CELA2B: variants seen among roughly 807,000 people sequenced by gnomAD.
The protein encoded by CELA2B is chymotrypsin like elastase 2B, also known as chymotrypsin-like elastase family member 2B.
In CELA2B, 27 loss-of-function variants were observed where a neutral mutation model predicts 36.5. The observed-to-expected ratio is 0.74, with a 90% CI of 0.55 to 1.02. The LOEUF is 1.02. Ranked by LOEUF, CELA2B falls within the 50% of genes least tolerant of loss-of-function variation. The probability of loss-of-function intolerance (pLI) is 0.00; values close to 1 mark genes in which losing one functional copy is unlikely to be tolerated. For synonymous variants in CELA2B, 143 were observed against 148.5 expected, an observed-to-expected ratio of 0.96 and a Z score of 0.27; for missense variants, 340 against 347.8, an observed-to-expected ratio of 0.98 and a Z score of 0.18.
In CELA2B at chr1:15,487,275, C is replaced by T; in HGVS notation, c.640-10C>T. 1 of 1,613,832 alleles carries T rather than the reference C, an allele frequency of 6.2e-7. No individual in the cohort carries two copies. Among genetic ancestry groups the T allele is most frequent in the Non-Finnish European group, 8.5e-7 (1 of 1,179,742 alleles). ...CCACTTCAACTCCCTATAACTCTGG[C>T]CTTCCTCAGGGAGACTCCGGTGGGC... is the stretch of plus-strand genomic sequence containing the variant. On this transcript the variant is annotated splice_polypyrimidine_tract_variant and intron_variant, in intron 6 of 7. Coordinates refer to ENST00000375910, the MANE Select transcript of CELA2B (RefSeq NM_015849.3).
intron 1 of CELA2B, 25 bp from the exon 2 acceptor site, chr1:15,476,432 C>T (rs748805268): frequency 1.1e-5 from 18 of 1,610,136 alleles, no homozygotes; most frequent in Admixed American, 1.7e-5. Context: ...GCTTCCTGGA[C>T]TCAAGACCCT....
chr1:15,482,189 A>T, intron 3 of CELA2B, 76 bp from the exon 4 acceptor site: 4 of 1,547,614 alleles, frequency 2.6e-6, no homozygotes, highest in Non-Finnish European at 3.5e-6. Context: ...GCAGCCAGTT[A>T]CTTGGGTCTA....
Position 15,481,081 on chromosome 1 carries a change from C to A in CELA2B, c.130-17C>A, listed in dbSNP as rs778335998. On this transcript the variant is annotated splice_polypyrimidine_tract_variant and intron_variant, in intron 2 of 7. Transcript: ENST00000375910. ...CTGCTTTTTCAGCCACAGCCACAGACCTGTGTTTCTCCCCAGGTCTCCCTG... is the reference window on the plus strand; with the variant it reads ...CTGCTTTTTCAGCCACAGCCACAGAACTGTGTTTCTCCCCAGGTCTCCCTG... 2.5e-6 allele frequency: 4 copies of A among 1,612,002 alleles called. No individual in the cohort carries two copies. Among genetic ancestry groups the A allele is most frequent in the Non-Finnish European group, 3.4e-6 (4 of 1,179,800 alleles).
At chr1:15,476,327 A>C in intron 1 of CELA2B, 130 bp from the exon 2 acceptor site, 1 of 1,395,096 alleles carries the variant, frequency 7.2e-7, no homozygotes, top group Non-Finnish European at 1.0e-6. Context: ...AGCAAACAGA[A>C]GGATTTTATG....
At chr1:15,476,919 T>C (rs887517098) in intron 2 of CELA2B, among the ~76,000 whole-genome samples, 3 of 152,046 alleles carry the variant, frequency 2.0e-5, no homozygotes, top group Non-Finnish European at 4.4e-5. Flanking sequence ...GAGGCAGAAG[T>C]TGTAGTGAGC....
At chr1:15,481,878 A>G (rs1708746062) in intron 3 of CELA2B, 1 of 398,374 alleles carries the variant, frequency 2.5e-6, no homozygotes, top group Non-Finnish European at 5.1e-6. Context: ...ATTTCTCACT[A>G]ACGGTGGGAC....
chr1:15,485,935 C>A lies in CELA2B; in HGVS notation c.528C>A (p.Gly176=). The A allele has an allele frequency of 6.2e-7, 1 of 1,614,204 alleles. No individual in the cohort carries two copies. Among genetic ancestry groups the A allele is most frequent in the African/African-American group, 1.3e-5 (1 of 75,048 alleles). The change falls in exon 6 of 8, where the codon GGC becomes GGA. Residue 176 remains glycine, a synonymous_variant. Transcript: ENST00000375910. ...NGALPDDLKQ[G]QLLVVDYATC... ...CTCTCCCTGATGACCTGAAGCAGGGCCAGTTGCTGGTTGTGGACTATGCCA... is the reference window on the plus strand; with the variant it reads ...CTCTCCCTGATGACCTGAAGCAGGGACAGTTGCTGGTTGTGGACTATGCCA...
At position 15,483,290 on chromosome 1, in the gene CELA2B, C is replaced by T. The variant is rs201296279; in HGVS notation, c.383C>T (p.Ala128Val). Residue 128 changes from alanine (A) to valine (V), a missense_variant, in exon 5 of 8, where the codon GCT (alanine) becomes GTT (valine). Coordinates refer to ENST00000375910, the MANE Select transcript of CELA2B (RefSeq NM_015849.3). ...AACGACATTGCCCTGCTCAAACTGG[C>T]TAACCCCGTCTCCCTCACCGACAAG... ...KGNDIALLKL[A>V]NPVSLTDKIQ... The T allele has an allele frequency of 6.2e-7, 1 of 1,613,878 alleles. No individual in the cohort carries two copies. Among genetic ancestry groups the T allele is most frequent in the Non-Finnish European group, 8.5e-7 (1 of 1,179,876 alleles).
intron 2 of CELA2B, among the ~76,000 whole-genome samples, chr1:15,476,767 G>C (rs1708678144): frequency 6.6e-6 from 1 of 152,158 alleles, no homozygotes; most frequent in Non-Finnish European, 1.5e-5. Flanking sequence ...CAGATTACCT[G>C]AAGTCAGAAG....
chr1:15,491,220 CAG>C (rs898597647), intron 7 of CELA2B, 73 bp from the exon 8 acceptor site: 2 of 1,584,736 alleles, frequency 1.3e-6, no homozygotes, highest in African/African-American at 2.7e-5. Flanking sequence ...CCCAGGAGGA[CAG>C]AGACAGGAAA....
chr1:15,483,338 C>T lies in CELA2B; in HGVS notation c.431C>T (p.Pro144Leu), dbSNP rs1418072499. Residue 144 changes from proline to leucine, a missense_variant, in exon 5 of 8, where the codon CCT (proline) becomes CTT (leucine). Transcript: ENST00000375910. ...AAGATCCAGCTGGCCTGCCTCCCTC[C>T]TGCCGGCACCATTCTACCCAACAAC... Reference protein sequence around the residue: ...TDKIQLACLPPAGTILPNNYP... With the variant: ...TDKIQLACLPLAGTILPNNYP... 6.2e-7 allele frequency: 1 copy of T among 1,614,132 alleles called. No homozygotes were observed. Among genetic ancestry groups the T allele is most frequent in the East Asian group, 2.2e-5 (1 of 44,880 alleles).
chr1:15,476,854 C>T (rs1213501178), intron 2 of CELA2B, among the ~76,000 whole-genome samples: 2 of 152,024 alleles, frequency 1.3e-5, no homozygotes, highest in African/African-American at 4.8e-5. Flanking sequence ...CAGTGGCACA[C>T]GCCTGTAATC....
At chr1:15,489,460 G>A (rs1708845785) in intron 7 of CELA2B, among the ~76,000 whole-genome samples, 1 of 152,192 alleles carries the variant, frequency 6.6e-6, no homozygotes, top group African/African-American at 2.4e-5. Flanking sequence ...TCCTTGGGTG[G>A]GGGCTGCCCC....
At chr1:15,488,366 G>C (rs1319236021) in intron 7 of CELA2B, among the ~76,000 whole-genome samples, 1 of 152,114 alleles carries the variant, frequency 6.6e-6, no homozygotes, top group Non-Finnish European at 1.5e-5. Context: ...CAGCCTGAGC[G>C]ACATAGCAAG....
Position 15,482,335 on chromosome 1 carries a change from G to A in CELA2B, c.298G>A (p.Val100Ile), listed in dbSNP as rs751797790. 78 of 1,614,136 alleles carry A rather than the reference G, an allele frequency of 4.8e-5. 1 individual carries two copies. The highest frequency in any genetic ancestry group is 4.6e-4 in the South Asian group (42 of 91,084). ...LYVAESGSLA[V>I]SVSKIVVHKD... Reference sequence around the variant, plus strand: ...CGTTGCAGAGTCCGGCTCGCTGGCCGTCAGTGTCTCTAAGATTGTGGTGCA... The same window carrying A: ...CGTTGCAGAGTCCGGCTCGCTGGCCATCAGTGTCTCTAAGATTGTGGTGCA... Residue 100 changes from valine (V) to isoleucine (I), a missense_variant, in exon 4 of 8, where the codon GTC (valine) becomes ATC (isoleucine). Coordinates refer to ENST00000375910, the MANE Select transcript of CELA2B (RefSeq NM_015849.3).
chr1:15,481,056 C>T (rs1378336722), intron 2 of CELA2B, 42 bp from the exon 3 acceptor site: 1 of 1,610,494 alleles, frequency 6.2e-7, no homozygotes, highest in Non-Finnish European at 8.5e-7. Flanking sequence ...CAGGGAGGCC[C>T]TGCTTTTTCA....
At chr1:15,486,721 G>C (rs1161633821) in intron 6 of CELA2B, among the ~76,000 whole-genome samples, 1 of 152,196 alleles carries the variant, frequency 6.6e-6, no homozygotes, top group African/African-American at 2.4e-5. Flanking sequence ...GGCGCAGTGT[G>C]TCCCCTCCAG....
rs776050729 is a variant in CELA2B at position 15,482,392 on chromosome 1, G to A, written c.355G>A (p.Gly119Arg). 25 of 1,613,922 alleles carry A rather than the reference G, an allele frequency of 1.5e-5. No individual in the cohort carries two copies. The highest frequency in any genetic ancestry group is 1.4e-5 in the Non-Finnish European group (17 of 1,179,948). ...KDWNSDQVSK[G>R]NDIALLKLAN... ...CTGGAACTCCGACCAGGTCTCCAAA[G>A]GGTTCGTTTCTATCTGGGTGCACTT... Residue 119 changes from glycine to arginine, a missense_variant and splice_region_variant, in exon 4 of 8, where the codon GGG becomes AGG. Transcript: ENST00000375910.
chr1:15,491,089 G>A, intron 7 of CELA2B: 1 of 592,684 alleles, frequency 1.7e-6, no homozygotes, highest in African/African-American at 1.9e-5. Flanking sequence ...CCCTTTACAG[G>A]AAGACCCTAA....
Sources: gnomAD v4.1 joint callset for allele counts (sites outside exome capture counted in the v4.1 genomes callset) on GRCh38, gnomAD v4.1.1 for gene constraint, MANE v1.5 for transcripts, NCBI Gene and HGNC (gene_info 2026-07-23, HGNC 2026-07-21) for gene names.